WDFY3: variants seen among roughly 807,000 people sequenced by gnomAD.
WDFY3 encodes WD repeat and FYVE domain containing 3.
In WDFY3, 66 loss-of-function variants were observed where a neutral mutation model predicts 409.6. The observed-to-expected ratio is 0.16, with a 90% CI of 0.13 to 0.20. The LOEUF (loss-of-function observed/expected upper bound fraction) is 0.20, where lower values mean the gene tolerates loss of function less well. WDFY3 is among the 10% of genes least tolerant of loss of function. The pLI, the probability that WDFY3 is intolerant of heterozygous loss-of-function variation, is 1.00. For synonymous variants in WDFY3, 1,521 were observed against 1,537.1 expected (o/e 0.99, Z 0.25); for missense variants, 3,031 against 4,298.1 (o/e 0.71, Z 8.24).
rs527663032 is a variant in WDFY3 at position 84,944,610 on chromosome 4, G to A, written c.-225-12247C>T. Among the ~76,000 whole-genome samples the A allele has an allele frequency of 1.1e-3, 169 of 151,056 alleles. 2 individuals carry two copies. Among genetic ancestry groups the A allele is most frequent in the African/African-American group, 3.8e-3 (158 of 41,118 alleles). On this transcript the variant is annotated intron_variant, in intron 1 of 67. Transcript: ENST00000295888. ...GGGCTGTGGCGGATGGATCATCTGA[G>A]GTCAAGAGTTCAAGGCCAGCCTGGT... is the stretch of plus-strand genomic sequence containing the variant.
chr4:84,758,982 A>G (rs956142389), intron 32 of WDFY3, among the ~76,000 whole-genome samples: 7 of 152,146 alleles, frequency 4.6e-5, no homozygotes, highest in African/African-American at 1.7e-4. Context: ...ATTTTTGTAT[A>G]AGGTGTAAGC....
At position 84,684,007 on chromosome 4, in the gene WDFY3, G is replaced by C; in HGVS notation, c.9662C>G (p.Ser3221Trp). The change falls in exon 63 of 68, where the codon TCG (serine) becomes TGG (tryptophan). Residue 3221 changes from serine (S) to tryptophan (W), a missense_variant. By Grantham distance (177) the Ser-to-Trp change is radical. Around this residue, in one of 16 missense-constraint regions of WDFY3, gnomAD observed 378 missense variants for 477.3 expected, o/e 0.79. Coordinates refer to ENST00000295888, the MANE Select transcript of WDFY3 (RefSeq NM_014991.6). ...CTGCGTGTCCCATTCGTTCATCTCCGACATGCAGCAGCAGATGATCTGCTG... is the reference window on the plus strand; with the variant it reads ...CTGCGTGTCCCATTCGTTCATCTCCCACATGCAGCAGCAGATGATCTGCTG... ...RSQQIICCCM[S>W]EMNEWDTQNV... The C allele has an allele frequency of 6.2e-7, 1 of 1,613,374 alleles. No homozygotes were observed. The highest frequency in any genetic ancestry group is 1.1e-5 in the South Asian group (1 of 91,024).
At chr4:84,859,256 C>T (rs1760207799) in intron 4 of WDFY3, among the ~76,000 whole-genome samples, 1 of 152,064 alleles carries the variant, frequency 6.6e-6, no homozygotes, top group Admixed American at 6.6e-5. Flanking sequence ...CAGTAGAGAG[C>T]AAACACTGAA....
intron 19 of WDFY3, 104 bp downstream of exon 19, chr4:84,796,417 G>A (rs1018069925): frequency 4.6e-6 from 3 of 648,850 alleles, no homozygotes; most frequent in South Asian, 6.4e-5. Context: ...ATTAAGTATG[G>A]TAAAATATAT....
intron 23 of WDFY3, 98 bp downstream of exon 23, chr4:84,787,384 C>T: frequency 1.6e-6 from 2 of 1,225,030 alleles, no homozygotes; most frequent in Non-Finnish European, 2.3e-6. Context: ...GGCGCTTTTC[C>T]TAGATTAACA....
chr4:84,885,478 G>A (rs1764090769), intron 3 of WDFY3, among the ~76,000 whole-genome samples: 1 of 151,762 alleles, frequency 6.6e-6, no homozygotes, highest in Non-Finnish European at 1.5e-5. Context: ...GGCTTAGAAA[G>A]GAACACTGTA....
chr4:84,912,049 G>C (rs1767867925), intron 2 of WDFY3, among the ~76,000 whole-genome samples: 1 of 152,170 alleles, frequency 6.6e-6, no homozygotes, highest in African/African-American at 2.4e-5. Context: ...AGAGCAGTTT[G>C]TCTCTCCAGT....
At chr4:84,778,955 G>C (rs1270954082) in intron 26 of WDFY3, among the ~76,000 whole-genome samples, 1 of 152,068 alleles carries the variant, frequency 6.6e-6, no homozygotes, top group East Asian at 1.9e-4. Context: ...ACCAACGCGT[G>C]CATAAAATTG....
chr4:84,790,969 C>T (rs1040666624), intron 21 of WDFY3, among the ~76,000 whole-genome samples: 2 of 151,728 alleles, frequency 1.3e-5, no homozygotes, highest in Admixed American at 6.6e-5. Flanking sequence ...CAAGTGTTGG[C>T]AAGAATGTGG....
At chr4:84,675,813 T>C (rs549072382) in intron 67 of WDFY3, among the ~76,000 whole-genome samples, 1 of 152,202 alleles carries the variant, frequency 6.6e-6, no homozygotes, top group Non-Finnish European at 1.5e-5. Context: ...CGACTGTGGA[T>C]GTGTATCTGG....
At chr4:84,730,821 A>G (rs1481629652) in intron 44 of WDFY3, among the ~76,000 whole-genome samples, 1 of 150,242 alleles carries the variant, frequency 6.7e-6, no homozygotes, top group African/African-American at 2.4e-5. Flanking sequence ...TTTTTTTTAG[A>G]TGGAGTTTTG....
chr4:84,911,101 C>T (rs1214765061), intron 2 of WDFY3, among the ~76,000 whole-genome samples: 1 of 152,052 alleles, frequency 6.6e-6, no homozygotes, highest in Non-Finnish European at 1.5e-5. Context: ...GACTTTAGTA[C>T]ACCAAAGGAC....
chr4:84,704,280 C>T, intron 55 of WDFY3, 58 bp downstream of exon 55: 1 of 1,238,230 alleles, frequency 8.1e-7, no homozygotes, highest in Non-Finnish European at 1.1e-6. Context: ...TAAAAGGTGA[C>T]ATTTTAGATA....
In WDFY3 at chr4:84,735,113, G is replaced by T; in HGVS notation, c.6923C>A (p.Ser2308Ter). Reference sequence around the variant, plus strand: ...AGCAATGTGAGTAAACATCCACTGCGAAATCTCCTAACAATGGATGGAAAA... The same window carrying T: ...AGCAATGTGAGTAAACATCCACTGCTAAATCTCCTAACAATGGATGGAAAA... The part of the protein sequence containing the change: ...NKHSLSTQEI[S>*]QWMFTHIAVV... Residue 2308 changes from serine (S) to a stop codon, truncating the protein, a stop_gained, in exon 43 of 68, where the codon TCG (serine) becomes TAG (stop). Transcript: ENST00000295888. LOFTEE classifies it high-confidence loss of function. 6.2e-7 allele frequency: 1 copy of T among 1,612,072 alleles called. No homozygotes were observed.
At chr4:84,835,049 A>G (rs776285226) in intron 7 of WDFY3, among the ~76,000 whole-genome samples, 1 of 152,186 alleles carries the variant, frequency 6.6e-6, no homozygotes, top group South Asian at 2.1e-4. Flanking sequence ...AGTTTCCACA[A>G]CTGTAAATGA....
intron 51 of WDFY3, among the ~76,000 whole-genome samples, 192 bp from the exon 52 acceptor site, chr4:84,709,539 GAAGAA>G (rs1732539480): frequency 6.6e-6 from 1 of 152,210 alleles, no homozygotes; most frequent in African/African-American, 2.4e-5. Context: ...GAACTGAACT[GAAGAA>G]AACAGAGGAC....
chr4:84,942,656 A>G (rs1772292555), intron 1 of WDFY3, among the ~76,000 whole-genome samples: 1 of 152,226 alleles, frequency 6.6e-6, no homozygotes, highest in Admixed American at 6.5e-5. Flanking sequence ...GTTGCTGCAT[A>G]TCCTTACCAA....
chr4:84,908,616 T>G (rs1450254627), intron 2 of WDFY3, among the ~76,000 whole-genome samples: 1 of 152,174 alleles, frequency 6.6e-6, no homozygotes, highest in Non-Finnish European at 1.5e-5. Flanking sequence ...CAATAGTCAT[T>G]TACAACTGAC....
chr4:84,863,518 C>T (rs978207226), intron 3 of WDFY3, among the ~76,000 whole-genome samples: 1 of 152,132 alleles, frequency 6.6e-6, no homozygotes, highest in Non-Finnish European at 1.5e-5. Context: ...ATTTGCATGT[C>T]TTTTATGGAG....
Sources: gnomAD v4.1 joint callset for allele counts (sites outside exome capture counted in the v4.1 genomes callset) on GRCh38, gnomAD v4.1.1 for gene constraint, gnomAD v4.1.1 regional missense constraint, MANE v1.5 for transcripts, NCBI Gene and HGNC (gene_info 2026-07-23, HGNC 2026-07-21) for gene names.